Variants in ADCY2 observed in about 807,000 individuals in gnomAD.
ADCY2 encodes the protein adenylate cyclase type 2.
In ADCY2, 31 loss-of-function variants were observed where a neutral mutation model predicts 125.2. The ratio of observed to expected loss-of-function variants is 0.25; its 90% CI spans 0.19 to 0.33. ADCY2 has a LOEUF of 0.33. Ranked by LOEUF, ADCY2 falls within the 10% of genes least tolerant of loss-of-function variation. ADCY2 has a pLI of 1.00. For synonymous variants in ADCY2, 512 were observed against 548.4 expected (o/e 0.93, Z 0.93); for missense variants, 904 against 1,418.2 (o/e 0.64, Z 5.82).
chr5:7,474,572 A>G (rs1260388820), intron 2 of ADCY2, among the ~76,000 whole-genome samples: 1 of 152,216 alleles, frequency 6.6e-6, no homozygotes, highest in Non-Finnish European at 1.5e-5. Context: ...AATTTTCCAG[A>G]CAGAAGATAT....
At chr5:7,597,760 G>T (rs1351172561) in intron 3 of ADCY2, among the ~76,000 whole-genome samples, 1 of 152,204 alleles carries the variant, frequency 6.6e-6, no homozygotes, top group Non-Finnish European at 1.5e-5. Flanking sequence ...ACTCCAGCCT[G>T]GGTGACAGAC....
intron 9 of ADCY2, among the ~76,000 whole-genome samples, chr5:7,708,668 G>A (rs1741341440): frequency 6.6e-6 from 1 of 152,138 alleles, no homozygotes; most frequent in African/African-American, 2.4e-5. Flanking sequence ...TTTACTTATG[G>A]TAGCATCTGG....
chr5:7,499,669 ATATATATATATATG>A (rs1417703590), intron 2 of ADCY2, among the ~76,000 whole-genome samples: 1 of 119,800 alleles, frequency 8.3e-6, no homozygotes, highest in East Asian at 2.0e-4. Flanking sequence ...ATATATATAT[ATATATATATATATG>A]TATATATATG....
chr5:7,631,799 G>T (rs1163266018), intron 4 of ADCY2, among the ~76,000 whole-genome samples: 1 of 152,132 alleles, frequency 6.6e-6, no homozygotes, highest in Non-Finnish European at 1.5e-5. Context: ...CTTCCTGGAG[G>T]CAAGAAGATT....
At chr5:7,493,882 A>T (rs573712385) in intron 2 of ADCY2, among the ~76,000 whole-genome samples, 2 of 152,278 alleles carry the variant, frequency 1.3e-5, no homozygotes, top group South Asian at 2.1e-4. Context: ...AACTGAGTCA[A>T]ATAAGTGCAA....
At chr5:7,768,620 T>C (rs1484002038) in intron 17 of ADCY2, among the ~76,000 whole-genome samples, 2 of 152,218 alleles carry the variant, frequency 1.3e-5, no homozygotes, top group Non-Finnish European at 2.9e-5. Context: ...ACTAAAAGAA[T>C]AAGGAAATCA....
intron 3 of ADCY2, among the ~76,000 whole-genome samples, chr5:7,594,550 C>T (rs1446705064): frequency 6.6e-6 from 1 of 152,116 alleles, no homozygotes; most frequent in Non-Finnish European, 1.5e-5. Context: ...CTTGTGTGAC[C>T]CTCTCCACAG....
rs747019153 is a variant in ADCY2 at position 7,826,582 on chromosome 5, CT to C, written c.3124-133del. 8 of 1,149,166 alleles carry C rather than the reference CT, an allele frequency of 7.0e-6. No homozygotes were observed. In the East Asian group the frequency reaches 1.7e-4, roughly 24 times the overall value. 71.2% of individuals were successfully genotyped at this position (1,149,166 alleles called of 1,614,324 possible). On this transcript the variant is annotated intron_variant, in intron 24 of 24. Coordinates refer to ENST00000338316, the MANE Select transcript of ADCY2 (RefSeq NM_020546.3). ...CTTTTTTTCTTGTGGATTACTCTCA[CT>C]TTTCTACTAACTTCTCAGGAGTGGA...
intron 3 of ADCY2, among the ~76,000 whole-genome samples, chr5:7,543,491 G>A (rs921191905): frequency 6.6e-6 from 1 of 152,068 alleles, no homozygotes; most frequent in Non-Finnish European, 1.5e-5. Flanking sequence ...ACTCTAAAAT[G>A]CTTTAAACCT....
chr5:7,748,693 T>A (rs1406043173), intron 15 of ADCY2, among the ~76,000 whole-genome samples: 2 of 152,106 alleles, frequency 1.3e-5, no homozygotes, highest in Admixed American at 1.3e-4. Context: ...TTGGAATAAA[T>A]CCAAACTATT....
intron 7 of ADCY2, among the ~76,000 whole-genome samples, chr5:7,703,962 A>G (rs867488442): frequency 3.3e-5 from 5 of 150,050 alleles, no homozygotes; most frequent in Non-Finnish European, 7.4e-5. Flanking sequence ...AGATCACACC[A>G]CTGCACTTCA....
chr5:7,724,670 T>G (rs958525094), intron 13 of ADCY2, 56 bp downstream of exon 13: 3 of 1,284,462 alleles, frequency 2.3e-6, no homozygotes, highest in African/African-American at 3.0e-5. Flanking sequence ...TTTGAATTTC[T>G]TCATGAAATT....
chr5:7,582,102 A>G (rs566092728), intron 3 of ADCY2, among the ~76,000 whole-genome samples: 22 of 152,310 alleles, frequency 1.4e-4, no homozygotes, highest in African/African-American at 5.0e-4. Context: ...GCAAACAGGC[A>G]CTGTAAGGTT....
At chr5:7,489,081 GC>G (rs1317414005) in intron 2 of ADCY2, among the ~76,000 whole-genome samples, 1 of 152,110 alleles carries the variant, frequency 6.6e-6, no homozygotes, top group Non-Finnish European at 1.5e-5. Context: ...TTCCTGCCCT[GC>G]CCAGAGCACT....
intron 7 of ADCY2, among the ~76,000 whole-genome samples, chr5:7,703,723 C>A (rs1741165981): frequency 6.6e-6 from 1 of 152,112 alleles, no homozygotes; most frequent in South Asian, 2.1e-4. Context: ...TTTTTGGTTC[C>A]ATATGAACTT....
At chr5:7,813,107 C>T (rs1033121828) in intron 22 of ADCY2, among the ~76,000 whole-genome samples, 2 of 152,194 alleles carry the variant, frequency 1.3e-5, no homozygotes, top group Admixed American at 1.3e-4. Context: ...TCACAGTATG[C>T]AGTTTTTATG....
rs114599749 is a variant in ADCY2, at chr5:7,421,374, T to G, written c.408+6604T>G. Among the ~76,000 whole-genome samples the G allele has an allele frequency of 4.9e-3, 753 of 152,326 alleles. 4 individuals carry two copies. The highest frequency in any genetic ancestry group is 0.017 in the African/African-American group (710 of 41,564). ...TAGAGGAGAATCCTCCCCTGCCTCTTCCATCTTCTGGTGTCACTGGTATTC... is the reference window on the plus strand; with the variant it reads ...TAGAGGAGAATCCTCCCCTGCCTCTGCCATCTTCTGGTGTCACTGGTATTC... On this transcript the variant is annotated intron_variant, in intron 2 of 24. Coordinates refer to ENST00000338316, the MANE Select transcript of ADCY2 (RefSeq NM_020546.3).
intron 12 of ADCY2, among the ~76,000 whole-genome samples, chr5:7,717,514 A>G (rs1018016146): frequency 2.0e-5 from 3 of 152,268 alleles, no homozygotes; most frequent in Admixed American, 6.5e-5. Flanking sequence ...CGATGTGTTC[A>G]GCAAGTAATA....
chr5:7,413,453 G>A (rs185283429), intron 1 of ADCY2, among the ~76,000 whole-genome samples: 1 of 148,684 alleles, frequency 6.7e-6, no homozygotes, highest in Admixed American at 6.6e-5. Flanking sequence ...GCCACCACGC[G>A]CGGCTAATTT....
Sources: gnomAD v4.1 joint callset for allele counts (sites outside exome capture counted in the v4.1 genomes callset) on GRCh38, gnomAD v4.1.1 for gene constraint, MANE v1.5 for transcripts, NCBI Gene and HGNC (gene_info 2026-07-23, HGNC 2026-07-21) for gene names.